The following WRN variants were observed in gnomAD, a reference collection of about 807,000 sequenced individuals.
The protein encoded by WRN is WRN RecQ like helicase.
A neutral mutation model predicts 180.7 loss-of-function variants in WRN; 149 were observed. The observed-to-expected ratio is 0.82, with a 90% confidence interval of 0.72 to 0.94. The LOEUF (loss-of-function observed/expected upper bound fraction) is 0.94, where lower values mean the gene tolerates loss of function less well. Among genes scored for constraint, WRN ranks in the 40% least tolerant of loss-of-function variants. WRN has a pLI of 0.00. For synonymous variants in WRN, 548 were observed against 568.9 expected (o/e 0.96, Z 0.52); for missense variants, 1,661 against 1,700.1 (o/e 0.98, Z 0.40).
chr8:31,142,957 T>C (rs1299019973), intron 27 of WRN, among the ~76,000 whole-genome samples: 1 of 151,926 alleles, frequency 6.6e-6, no homozygotes, highest in Non-Finnish European at 1.5e-5. Context: ...TCATTTGGCT[T>C]AGAGTAGTCA....
chr8:31,130,004 C>CAAAAAAAAAAAAAAAAAAAAAAAAAA (rs374855114), intron 23 of WRN, among the ~76,000 whole-genome samples: 1 of 78,064 alleles, frequency 1.3e-5, no homozygotes, highest in Non-Finnish European at 2.2e-5. Context: ...ACTCTTGTCT[C>CAAAAAAAAAAAAAAAAAAAAAAAAAA]AAAAAAAAAA....
chr8:31,037,172 G>A (rs968763571), intron 1 of WRN, among the ~76,000 whole-genome samples: 3 of 152,202 alleles, frequency 2.0e-5, no homozygotes, highest in African/African-American at 7.2e-5. Context: ...ATCTGGGAGT[G>A]ATGGGAGACA....
At chr8:31,107,783 G>A (rs1801153931) in intron 18 of WRN, among the ~76,000 whole-genome samples, 1 of 152,232 alleles carries the variant, frequency 6.6e-6, no homozygotes, top group South Asian at 2.1e-4. Flanking sequence ...CAGACAAAGT[G>A]AGTGTTGAGA....
At chr8:31,154,524 T>C in intron 31 of WRN, 100 bp from the exon 32 acceptor site, 1 of 1,402,518 alleles carries the variant, frequency 7.1e-7, no homozygotes, top group Non-Finnish European at 9.7e-7. Flanking sequence ...CTTATGGGTT[T>C]AACTTGTGTT....
chr8:31,161,700 G>A (rs887734388), intron 33 of WRN, among the ~76,000 whole-genome samples: 2 of 151,936 alleles, frequency 1.3e-5, no homozygotes, highest in African/African-American at 4.8e-5. Flanking sequence ...TTAGCTGGGC[G>A]TGGTGTTGGG....
chr8:31,159,215 G>A (rs1335268605), intron 33 of WRN, among the ~76,000 whole-genome samples: 1 of 152,098 alleles, frequency 6.6e-6, no homozygotes, highest in South Asian at 2.1e-4. Flanking sequence ...CAGGAGGAGT[G>A]CTTGAGCTCA....
intron 19 of WRN, among the ~76,000 whole-genome samples, chr8:31,112,648 G>A (rs533617772): frequency 2.0e-4 from 31 of 152,006 alleles, no homozygotes; most frequent in Admixed American, 8.5e-4. Context: ...GTGCAGTGGC[G>A]CAATCCCGGC....
chr8:31,105,007 A>G (rs1253532624), intron 18 of WRN, among the ~76,000 whole-genome samples: 1 of 152,198 alleles, frequency 6.6e-6, no homozygotes, highest in Non-Finnish European at 1.5e-5. Context: ...TTCATTGCTC[A>G]TTAATCTTGC....
intron 33 of WRN, among the ~76,000 whole-genome samples, chr8:31,161,563 G>C (rs572467709): frequency 6.2e-4 from 95 of 152,288 alleles, no homozygotes; most frequent in Non-Finnish European, 9.0e-4. Flanking sequence ...AAAAAGCTGG[G>C]CATGGTGGCT....
At chr8:31,035,734 G>A (rs1407249765) in intron 1 of WRN, among the ~76,000 whole-genome samples, 1 of 152,036 alleles carries the variant, frequency 6.6e-6, no homozygotes, top group Non-Finnish European at 1.5e-5. Context: ...TTTTTAAACA[G>A]CTTTATTGAG....
intron 1 of WRN, among the ~76,000 whole-genome samples, chr8:31,039,685 G>T (rs936444184): frequency 6.6e-6 from 1 of 152,016 alleles, no homozygotes; most frequent in Non-Finnish European, 1.5e-5. Flanking sequence ...TTAGCTGTGG[G>T]TTTTCATAAA....
At chr8:31,097,763 A>T (rs963354367) in intron 17 of WRN, among the ~76,000 whole-genome samples, 2 of 151,878 alleles carry the variant, frequency 1.3e-5, no homozygotes, top group Non-Finnish European at 2.9e-5. Context: ...TGGGCAACAG[A>T]GCGAGACCAT....
chr8:31,159,944 C>CAAAAA lies in WRN; in HGVS notation c.3982+2429_3982+2433dup, dbSNP rs35353095. 1.6e-4 allele frequency among the ~76,000 whole-genome samples: 16 copies of CAAAAA among 101,826 alleles called. 1 individual carries two copies. Among genetic ancestry groups the CAAAAA allele is most frequent in the African/African-American group, 5.6e-4 (15 of 26,586 alleles). The allele number at this position is 101,826 out of a possible 152,430, so 66.8% of individuals were successfully genotyped here. A position where few individuals can be genotyped will look rare whatever the true frequency, so the allele number is the denominator to read the frequency against. Reference sequence around the variant, plus strand: ...TGGGTGACAGAGTGAGACTCTGTCTCAAAAAAAAAAAAAAAAAAAGACCTT... The same window carrying CAAAAA: ...TGGGTGACAGAGTGAGACTCTGTCTCAAAAAAAAAAAAAAAAAAAAAAAAGACCTT... On this transcript the variant is annotated intron_variant, in intron 33 of 34. Coordinates refer to ENST00000298139, the MANE Select transcript of WRN (RefSeq NM_000553.6).
In WRN at chr8:31,047,406, G is replaced by A. The variant is rs1444009334; in HGVS notation, c.-76-10966G>A. ...GCCTCCCAAAGTGCTGGGATTGCTG[G>A]CACGTACCACTACATCCAGCCAGGG... is the stretch of plus-strand genomic sequence containing the variant. On this transcript the variant is annotated intron_variant, in intron 1 of 34. Transcript: ENST00000298139. 2.6e-5 allele frequency among the ~76,000 whole-genome samples: 4 copies of A among 152,122 alleles called. No homozygotes were observed. In the East Asian group the frequency reaches 7.7e-4, roughly 29 times the overall value.
chr8:31,084,372 A>G (rs1276813535), intron 10 of WRN, among the ~76,000 whole-genome samples: 1 of 152,112 alleles, frequency 6.6e-6, no homozygotes, highest in Non-Finnish European at 1.5e-5. Flanking sequence ...AATTATTAGT[A>G]TTGTTTTCTT....
At chr8:31,147,315 A>G (rs1341813888) in intron 29 of WRN, 49 bp from the exon 30 acceptor site, 1 of 1,572,348 alleles carries the variant, frequency 6.4e-7, no homozygotes, top group African/African-American at 1.4e-5. Context: ...AAAGGACTAG[A>G]TCTTTTAAGT....
chr8:31,077,157 A>G (rs970893479), intron 8 of WRN, among the ~76,000 whole-genome samples: 9 of 152,354 alleles, frequency 5.9e-5, no homozygotes, highest in African/African-American at 1.9e-4. Context: ...CATGATATAT[A>G]AATTTAGCTT....
intron 8 of WRN, among the ~76,000 whole-genome samples, chr8:31,077,904 C>T (rs1213711323): frequency 6.6e-6 from 1 of 152,016 alleles, no homozygotes; most frequent in African/African-American, 2.4e-5. Context: ...ATTGTTTTTC[C>T]AGAAAGTTCT....
At chr8:31,140,831 C>T (rs1274898162) in intron 24 of WRN, among the ~76,000 whole-genome samples, 1 of 152,118 alleles carries the variant, frequency 6.6e-6, no homozygotes, top group Non-Finnish European at 1.5e-5. Flanking sequence ...TCTCGGCTCA[C>T]TGCAAGCTCT....
Sources: allele counts gnomAD v4.1 joint callset (sites outside exome capture counted in the v4.1 genomes callset), GRCh38; gene constraint gnomAD v4.1.1; transcripts MANE v1.5; gene names NCBI Gene and HGNC (gene_info 2026-07-23, HGNC 2026-07-21).